The following SLC14A2 variants were observed in gnomAD, a reference collection of about 807,000 sequenced individuals.
SLC14A2 encodes urea transporter 2.
Under a neutral mutation model 104.6 loss-of-function variants are expected in SLC14A2, and 91 were observed. The observed-to-expected ratio is 0.87, with a 90% CI of 0.73 to 1.04. The LOEUF (loss-of-function observed/expected upper bound fraction) is 1.04, where lower values mean the gene tolerates loss of function less well. SLC14A2 is among the 50% of genes least tolerant of loss of function. The pLI, the probability that SLC14A2 is intolerant of heterozygous loss-of-function variation, is 0.00. For missense variants in SLC14A2, 1,189 were observed against 1,156.0 expected, an observed-to-expected ratio of 1.03 and a Z score of -0.41; for synonymous variants, 476 against 466.4, an observed-to-expected ratio of 1.02 and a Z score of -0.27.
At chr18:45,295,686 T>A (rs763381955) in intron 1 of SLC14A2, among the ~76,000 whole-genome samples, 58 of 152,200 alleles carry the variant, frequency 3.8e-4, no homozygotes, top group Non-Finnish European at 7.6e-4. Context: ...CTTATCTATC[T>A]GAAGCCTGCC....
intron 2 of SLC14A2, among the ~76,000 whole-genome samples, chr18:45,534,516 G>C (rs1225111804): frequency 6.6e-6 from 1 of 152,072 alleles, no homozygotes; most frequent in Non-Finnish European, 1.5e-5. Flanking sequence ...AAACACTTGA[G>C]ATCAAGGCCT....
At chr18:45,533,893 C>T (rs1356702009) in intron 2 of SLC14A2, among the ~76,000 whole-genome samples, 1 of 151,946 alleles carries the variant, frequency 6.6e-6, no homozygotes, top group East Asian at 1.9e-4. Flanking sequence ...ATTCTGGTAT[C>T]ACCTTTTCTA....
intron 10 of SLC14A2, among the ~76,000 whole-genome samples, chr18:45,656,997 T>C (rs2144603658): frequency 6.6e-6 from 1 of 152,324 alleles, no homozygotes. Context: ...TATCTCCAAG[T>C]GTTCCCATGG....
chr18:45,402,924 C>T (rs1375285623), intron 1 of SLC14A2, among the ~76,000 whole-genome samples: 1 of 152,224 alleles, frequency 6.6e-6, no homozygotes, highest in Non-Finnish European at 1.5e-5. Flanking sequence ...GAATGTTCTA[C>T]CTCAACTTCC....
At chr18:45,378,941 T>C (rs958579193) in intron 1 of SLC14A2, among the ~76,000 whole-genome samples, 4 of 152,182 alleles carry the variant, frequency 2.6e-5, no homozygotes, top group African/African-American at 9.6e-5. Flanking sequence ...ATCAGCCTTA[T>C]GGTGAAAAGA....
intron 2 of SLC14A2, among the ~76,000 whole-genome samples, chr18:45,571,346 C>A (rs929833463): frequency 3.3e-5 from 5 of 152,254 alleles, no homozygotes; most frequent in African/African-American, 1.2e-4. Flanking sequence ...TTCTTCCTGG[C>A]AGCCTGCTCT....
At chr18:45,368,624 CA>C (rs2085690887) in intron 1 of SLC14A2, among the ~76,000 whole-genome samples, 1 of 152,154 alleles carries the variant, frequency 6.6e-6, no homozygotes, top group Non-Finnish European at 1.5e-5. Context: ...TCGCAAATGT[CA>C]AAGCTAGAAA....
At chr18:45,391,670 T>C (rs1436158621) in intron 1 of SLC14A2, among the ~76,000 whole-genome samples, 9 of 152,374 alleles carry the variant, frequency 5.9e-5, no homozygotes, top group African/African-American at 1.9e-4. Flanking sequence ...ATCTCTCTGA[T>C]GGCCAGTGAT....
intron 1 of SLC14A2, among the ~76,000 whole-genome samples, chr18:45,291,996 T>C (rs2084874504): frequency 6.6e-6 from 1 of 152,202 alleles, no homozygotes; most frequent in Non-Finnish European, 1.5e-5. Context: ...GGCAATTCTT[T>C]TCAGCCATTT....
intron 1 of SLC14A2, among the ~76,000 whole-genome samples, chr18:45,268,522 G>A (rs545866037): frequency 2.2e-4 from 33 of 152,346 alleles, no homozygotes; most frequent in Non-Finnish European, 4.0e-4. Flanking sequence ...TGTCTCAGCT[G>A]AAGTGAAAAA....
intron 1 of SLC14A2, among the ~76,000 whole-genome samples, chr18:45,476,714 CTT>C (rs1404011131): frequency 6.6e-6 from 1 of 152,082 alleles, no homozygotes; most frequent in Non-Finnish European, 1.5e-5. Context: ...TGTCTTCATC[CTT>C]TATTTCATTA....
At chr18:45,658,180 T>C (rs1012056881) in intron 10 of SLC14A2, among the ~76,000 whole-genome samples, 1 of 152,122 alleles carries the variant, frequency 6.6e-6, no homozygotes, top group Non-Finnish European at 1.5e-5. Flanking sequence ...TGGGGAGGGA[T>C]GGCAAATAGG....
chr18:45,265,420 AG>A (rs1480615200), intron 1 of SLC14A2, among the ~76,000 whole-genome samples: 1 of 152,166 alleles, frequency 6.6e-6, no homozygotes. Context: ...GTCAGAGGCT[AG>A]GAAGTTGGAA....
intron 1 of SLC14A2, among the ~76,000 whole-genome samples, chr18:45,327,619 G>A (rs2085249079): frequency 6.6e-6 from 1 of 152,140 alleles, no homozygotes; most frequent in Non-Finnish European, 1.5e-5. Context: ...CTTCATGTAA[G>A]TGGAATCATA....
In SLC14A2 at chr18:45,236,169, A is replaced by G. The variant is rs564167609; in HGVS notation, c.-125+22978A>G. ...TACATATATGTGTGTATATATGTGT[A>G]TATATACATATATGTGTGTATATAT... is the stretch of plus-strand genomic sequence containing the variant. On this transcript the variant is annotated intron_variant, in intron 1 of 20. Coordinates refer to the SLC14A2 transcript ENST00000586448. Among the ~76,000 whole-genome samples the G allele has an allele frequency of 6.2e-4, 37 of 59,962 alleles. 2 individuals carry two copies. Among genetic ancestry groups the G allele is most frequent in the African/African-American group, 2.7e-3 (30 of 11,244 alleles). The allele number at this position is 59,962 out of a possible 152,430, so 39.3% of individuals were successfully genotyped here. A position where few individuals can be genotyped will look rare whatever the true frequency, so the allele number is the denominator to read the frequency against.
At chr18:45,513,757 C>T (rs566941395) in intron 2 of SLC14A2, among the ~76,000 whole-genome samples, 1 of 152,314 alleles carries the variant, frequency 6.6e-6, no homozygotes, top group South Asian at 2.1e-4. Flanking sequence ...AGACATATCT[C>T]TGGGGTGACC....
intron 1 of SLC14A2, among the ~76,000 whole-genome samples, chr18:45,309,333 C>CTT (rs34479081): frequency 2.5e-4 from 36 of 144,680 alleles, no homozygotes; most frequent in African/African-American, 2.5e-4. Flanking sequence ...CTCAGAAGCA[C>CTT]TTTTTTTTTT....
chr18:45,624,570 C>T (rs933238899), intron 1 of SLC14A2, 61 bp from the exon 2 acceptor site: 6 of 1,335,770 alleles, frequency 4.5e-6, no homozygotes, highest in African/African-American at 1.5e-5. Flanking sequence ...AGTCCAGCCT[C>T]AGCCAAGTCC....
chr18:45,198,711 T>C, the SLC14A2 span, among the ~76,000 whole-genome samples: 1 of 152,140 alleles, frequency 6.6e-6, no homozygotes, highest in Non-Finnish European at 1.5e-5. Context: ...TGCCCTCAAA[T>C]TTTTAACATA....
Sources: allele counts gnomAD v4.1 joint callset (sites outside exome capture counted in the v4.1 genomes callset), GRCh38; gene constraint gnomAD v4.1.1; transcripts MANE v1.5; gene names NCBI Gene and HGNC (gene_info 2026-07-23, HGNC 2026-07-21).